Variants in PDE10A observed in about 807,000 individuals in gnomAD.
PDE10A encodes phosphodiesterase 10A.
PDE10A carries 39 observed loss-of-function variants against 97.7 expected under a neutral mutation model. The observed-to-expected ratio is 0.40, with a 90% confidence interval of 0.31 to 0.52. The LOEUF is 0.52. Ranked by LOEUF, PDE10A falls within the 20% of genes least tolerant of loss-of-function variation. The probability of loss-of-function intolerance (pLI) is 0.56; values close to 1 mark genes in which losing one functional copy is unlikely to be tolerated. For missense variants in PDE10A, 731 were observed against 1,047.8 expected (o/e 0.70, Z 4.17); for synonymous variants, 371 against 376.8 (o/e 0.98, Z 0.18).
At chr6:165,604,944 C>A (rs11757617) in intron 1 of PDE10A, among the ~76,000 whole-genome samples, 18,546 of 152,114 alleles carry the variant, frequency 0.12, 1,158 homozygotes, top group Non-Finnish European at 0.14. Flanking sequence ...AAAACAAAAA[C>A]TAAAAAAATA....
chr6:165,718,584 C>A (rs1395877991), intron 1 of PDE10A, among the ~76,000 whole-genome samples: 1 of 152,144 alleles, frequency 6.6e-6, no homozygotes, highest in Non-Finnish European at 1.5e-5. Flanking sequence ...TTGCCCCAAC[C>A]TCCCTGCTCT....
At chr6:165,557,836 A>G (rs1165707631) in intron 1 of PDE10A, among the ~76,000 whole-genome samples, 1 of 152,218 alleles carries the variant, frequency 6.6e-6, no homozygotes, top group Non-Finnish European at 1.5e-5. Flanking sequence ...CAAAAAACGA[A>G]GACAAACAAA....
intron 1 of PDE10A, among the ~76,000 whole-genome samples, chr6:165,717,435 T>A (rs1385418501): frequency 1.3e-5 from 2 of 152,116 alleles, no homozygotes; most frequent in Non-Finnish European, 2.9e-5. Flanking sequence ...ACTACAAAAA[T>A]TAGCTGGGCG....
intron 16 of PDE10A, among the ~76,000 whole-genome samples, chr6:165,390,812 GC>G (rs1292338555): frequency 6.6e-6 from 1 of 152,112 alleles, no homozygotes; most frequent in African/African-American, 2.4e-5. Flanking sequence ...GGTTTTTCCC[GC>G]CACATAATTG....
At chr6:165,423,851 G>GA (rs11421666) in intron 10 of PDE10A, among the ~76,000 whole-genome samples, 43,476 of 142,380 alleles carry the variant, frequency 0.31, 6,405 homozygotes, top group East Asian at 0.44. Flanking sequence ...TATGTCTCAG[G>GA]AAAAAAAAAA....
intron 1 of PDE10A, among the ~76,000 whole-genome samples, chr6:165,941,815 C>G (rs1001754879): frequency 6.6e-6 from 1 of 152,162 alleles, no homozygotes; most frequent in Non-Finnish European, 1.5e-5. Flanking sequence ...TTCCCAGTCT[C>G]AAGTGTTTCT....
chr6:165,902,908 T>G (rs1303539190), intron 1 of PDE10A, among the ~76,000 whole-genome samples: 2 of 152,246 alleles, frequency 1.3e-5, no homozygotes, highest in Non-Finnish European at 2.9e-5. Flanking sequence ...AACACACATT[T>G]TATACTGTTA....
At chr6:165,474,007 A>G (rs1022634071) in intron 3 of PDE10A, among the ~76,000 whole-genome samples, 11 of 152,244 alleles carry the variant, frequency 7.2e-5, no homozygotes, top group African/African-American at 2.7e-4. Flanking sequence ...GTGACTGATT[A>G]GTTGTAGAGC....
intron 1 of PDE10A, among the ~76,000 whole-genome samples, chr6:165,589,871 CA>C (rs1250266851): frequency 1.1e-4 from 17 of 151,566 alleles, no homozygotes; most frequent in Middle Eastern, 3.4e-3. Context: ...CACTAAAAAA[CA>C]AAAAAAATTC....
At chr6:165,586,366 A>G (rs1785912596) in intron 1 of PDE10A, among the ~76,000 whole-genome samples, 1 of 152,232 alleles carries the variant, frequency 6.6e-6, no homozygotes, top group Admixed American at 6.5e-5. Flanking sequence ...AGTTTTTAAA[A>G]TTGAATTCTT....
At chr6:165,611,589 TTCTC>T (rs1041453694) in intron 1 of PDE10A, among the ~76,000 whole-genome samples, 7 of 152,148 alleles carry the variant, frequency 4.6e-5, no homozygotes, top group African/African-American at 1.7e-4. Context: ...GTCCAGAGAA[TTCTC>T]TCTCTCTCAA....
At chr6:165,963,398 A>G (rs1366414110) in intron 1 of PDE10A, among the ~76,000 whole-genome samples, 1 of 152,186 alleles carries the variant, frequency 6.6e-6, no homozygotes, top group Non-Finnish European at 1.5e-5. Flanking sequence ...CCTCATCTTT[A>G]CAGGAGATGA....
intron 5 of PDE10A, among the ~76,000 whole-genome samples, chr6:165,443,055 T>C (rs369847802): frequency 7.2e-6 from 1 of 138,330 alleles, no homozygotes; most frequent in African/African-American, 2.8e-5. Context: ...GAGGTTGCAG[T>C]GAGCCGAGAC....
intron 1 of PDE10A, among the ~76,000 whole-genome samples, chr6:165,594,168 T>G (rs1347356514): frequency 6.6e-6 from 1 of 152,214 alleles, no homozygotes; most frequent in Non-Finnish European, 1.5e-5. Flanking sequence ...TGCTCAGGTC[T>G]TGGCTACTAA....
chr6:165,719,959 T>C (rs977214002), intron 1 of PDE10A, among the ~76,000 whole-genome samples: 3 of 152,176 alleles, frequency 2.0e-5, no homozygotes, highest in Non-Finnish European at 2.9e-5. Flanking sequence ...CATGATCTCA[T>C]CACACAGAGT....
intron 2 of PDE10A, among the ~76,000 whole-genome samples, chr6:165,496,564 A>T (rs1780548955): frequency 6.6e-6 from 1 of 152,232 alleles, no homozygotes; most frequent in South Asian, 2.1e-4. Flanking sequence ...TGTCCATTCA[A>T]CTTAACATTA....
chr6:165,723,031 G>A (rs1230533332), intron 1 of PDE10A, among the ~76,000 whole-genome samples: 1 of 152,118 alleles, frequency 6.6e-6, no homozygotes, highest in Non-Finnish European at 1.5e-5. Flanking sequence ...TAACCAAAAT[G>A]TGAACACACC....
At chr6:165,416,650 T>C (rs1788337052) in intron 11 of PDE10A, among the ~76,000 whole-genome samples, 1 of 152,176 alleles carries the variant, frequency 6.6e-6, no homozygotes, top group South Asian at 2.1e-4. Flanking sequence ...AAGGCCTATA[T>C]GGGTTCAGTA....
intron 1 of PDE10A, among the ~76,000 whole-genome samples, chr6:165,959,919 G>A (rs77392614): frequency 6.6e-6 from 1 of 152,128 alleles, no homozygotes; most frequent in East Asian, 1.9e-4. Flanking sequence ...CACACCCAGA[G>A]GCGACTTCCT....
Sources: gnomAD v4.1 joint callset for allele counts (sites outside exome capture counted in the v4.1 genomes callset) on GRCh38, gnomAD v4.1.1 for gene constraint, MANE v1.5 for transcripts, NCBI Gene and HGNC (gene_info 2026-07-23, HGNC 2026-07-21) for gene names.